Variants in DPP10 observed in about 807,000 individuals in gnomAD.
The protein encoded by DPP10 is dipeptidyl peptidase like 10, also known as inactive dipeptidyl peptidase 10.
In DPP10, 33 loss-of-function variants were observed where a neutral mutation model predicts 120.9. The observed-to-expected ratio is 0.27, with a 90% CI of 0.21 to 0.37. The LOEUF is 0.37. Among genes scored for constraint, DPP10 ranks in the 10% least tolerant of loss-of-function variants. The probability of loss-of-function intolerance (pLI) is 1.00; values close to 1 mark genes in which losing one functional copy is unlikely to be tolerated. For synonymous variants in DPP10, 337 were observed against 326.1 expected (o/e 1.03, Z -0.36); for missense variants, 816 against 942.8 (o/e 0.87, Z 1.76).
intron 1 of DPP10, among the ~76,000 whole-genome samples, chr2:115,173,379 T>C (rs1294193639): frequency 6.6e-6 from 1 of 152,186 alleles, no homozygotes; most frequent in African/African-American, 2.4e-5. Context: ...TGATATAAAA[T>C]TGCTGGTTTG....
chr2:115,131,602 A>C (rs1410238489), intron 1 of DPP10, among the ~76,000 whole-genome samples: 3 of 152,174 alleles, frequency 2.0e-5, no homozygotes, highest in African/African-American at 7.2e-5. Flanking sequence ...ATAAAAGTTC[A>C]AATTGATTCT....
chr2:114,569,338 C>A (rs1184629905), intron 1 of DPP10, among the ~76,000 whole-genome samples: 1 of 152,192 alleles, frequency 6.6e-6, no homozygotes, highest in Admixed American at 6.5e-5. Flanking sequence ...CTAAGTCATT[C>A]CCCGAGGGAA....
intron 3 of DPP10, among the ~76,000 whole-genome samples, chr2:115,402,018 C>G (rs891676249): frequency 6.6e-6 from 1 of 152,142 alleles, no homozygotes; most frequent in Non-Finnish European, 1.5e-5. Context: ...AATAGCAACA[C>G]AGGAAGTATA....
At chr2:115,470,559 A>T (rs1056063349) in intron 3 of DPP10, among the ~76,000 whole-genome samples, 1 of 152,186 alleles carries the variant, frequency 6.6e-6, no homozygotes, top group African/African-American at 2.4e-5. Flanking sequence ...TAGGAGAAAA[A>T]AAACTCCATC....
At chr2:114,766,107 A>G (rs1031116784) in intron 1 of DPP10, among the ~76,000 whole-genome samples, 1 of 151,952 alleles carries the variant, frequency 6.6e-6, no homozygotes, top group Admixed American at 6.6e-5. Flanking sequence ...ATATATGAAA[A>G]GATCAAAGAA....
chr2:115,181,431 C>T (rs75722561), intron 1 of DPP10, among the ~76,000 whole-genome samples: 3,530 of 152,200 alleles, frequency 0.023, 71 homozygotes, highest in Non-Finnish European at 0.037. Context: ...TGCATTCATC[C>T]GGTAGCTGGA....
chr2:114,836,835 A>G (rs1211899492), intron 1 of DPP10, among the ~76,000 whole-genome samples: 3 of 152,216 alleles, frequency 2.0e-5, no homozygotes, highest in Non-Finnish European at 4.4e-5. Flanking sequence ...TCAGTGATGC[A>G]TTCTCTTTCT....
In DPP10 at chr2:115,662,292, T is replaced by C. The variant is rs575917490; in HGVS notation, c.442-27395T>C. Among the ~76,000 whole-genome samples, 668 of 152,320 alleles carry C rather than the reference T, an allele frequency of 4.4e-3. 6 individuals are homozygous for C. The highest frequency in any genetic ancestry group is 7.6e-3 in the Non-Finnish European group (518 of 68,026). On this transcript the variant is annotated intron_variant, in intron 5 of 25. Transcript: ENST00000410059. Reference sequence around the variant, plus strand: ...CAAGACATTTTAGTTGTTTCCATATTGTGGCTACTTAGTGAATAATGCTGA... The same window carrying C: ...CAAGACATTTTAGTTGTTTCCATATCGTGGCTACTTAGTGAATAATGCTGA...
intron 7 of DPP10, among the ~76,000 whole-genome samples, chr2:115,718,893 T>C (rs1472927204): frequency 6.6e-5 from 10 of 152,100 alleles, no homozygotes; most frequent in Admixed American, 6.6e-4. Flanking sequence ...ATGCAATGAC[T>C]AGATAAAACC....
intron 3 of DPP10, among the ~76,000 whole-genome samples, chr2:115,405,329 C>A (rs1337088387): frequency 6.6e-6 from 1 of 152,118 alleles, no homozygotes; most frequent in Non-Finnish European, 1.5e-5. Context: ...CTTCATGTAC[C>A]TTTTCCTGGG....
At chr2:115,787,204 A>G (rs1177324475) in intron 17 of DPP10, among the ~76,000 whole-genome samples, 1 of 152,224 alleles carries the variant, frequency 6.6e-6, no homozygotes, top group Non-Finnish European at 1.5e-5. Flanking sequence ...AAATGTCACA[A>G]TGGTTGGTAT....
At chr2:115,472,405 A>G (rs1425462836) in intron 3 of DPP10, among the ~76,000 whole-genome samples, 1 of 152,204 alleles carries the variant, frequency 6.6e-6, no homozygotes, top group African/African-American at 2.4e-5. Context: ...AAAAGCAGAA[A>G]GAAACAGGTG....
At chr2:114,605,085 T>C (rs1482291007) in intron 1 of DPP10, among the ~76,000 whole-genome samples, 1 of 152,130 alleles carries the variant, frequency 6.6e-6, no homozygotes, top group African/African-American at 2.4e-5. Flanking sequence ...AAGGCCTTGC[T>C]TTTCTGACTT....
chr2:114,704,338 G>A (rs112119917), intron 1 of DPP10, among the ~76,000 whole-genome samples: 5,928 of 152,190 alleles, frequency 0.039, 146 homozygotes, highest in South Asian at 0.081. Flanking sequence ...GAAGTAAGGA[G>A]AGGGATTGAA....
chr2:115,058,486 G>A (rs1211180826), intron 1 of DPP10, among the ~76,000 whole-genome samples: 1 of 151,732 alleles, frequency 6.6e-6, no homozygotes, highest in Non-Finnish European at 1.5e-5. Context: ...TGCAACCTCC[G>A]CCTCCTGGAT....
intron 3 of DPP10, among the ~76,000 whole-genome samples, chr2:115,434,790 G>A (rs1052915887): frequency 8.6e-5 from 13 of 151,262 alleles, no homozygotes; most frequent in African/African-American, 1.7e-4. Context: ...CCTTCTGTCC[G>A]CATTTTTGTA....
chr2:114,784,992 G>A (rs960862358), intron 1 of DPP10, among the ~76,000 whole-genome samples: 1 of 152,142 alleles, frequency 6.6e-6, no homozygotes, highest in African/African-American at 2.4e-5. Context: ...TCTGGGTGTT[G>A]TATTTTGCTC....
chr2:114,675,354 AAGAG>A (rs767730829), intron 1 of DPP10, among the ~76,000 whole-genome samples: 1 of 152,166 alleles, frequency 6.6e-6, no homozygotes, highest in Admixed American at 6.6e-5. Context: ...CTTTTGTAAA[AAGAG>A]AGAAATGTTT....
chr2:115,532,518 A>G (rs2078533283), intron 5 of DPP10, among the ~76,000 whole-genome samples: 1 of 152,114 alleles, frequency 6.6e-6, no homozygotes, highest in Admixed American at 6.6e-5. Flanking sequence ...TGTATTTAAT[A>G]AACATATTAC....
Sources: allele counts gnomAD v4.1 joint callset (sites outside exome capture counted in the v4.1 genomes callset), GRCh38; gene constraint gnomAD v4.1.1; transcripts MANE v1.5; gene names NCBI Gene and HGNC (gene_info 2026-07-23, HGNC 2026-07-21).